The following PDE4D variants were observed in gnomAD, a reference collection of about 807,000 sequenced individuals.
PDE4D encodes 3',5'-cyclic-AMP phosphodiesterase 4D.
Under a neutral mutation model 87.4 loss-of-function variants are expected in PDE4D, and 24 were observed. That is an observed-to-expected ratio of 0.27 (90% CI 0.20 to 0.39). PDE4D has a LOEUF of 0.39. PDE4D is among the 10% of genes least tolerant of loss of function. The pLI, the probability that PDE4D is intolerant of heterozygous loss-of-function variation, is 1.00. For missense variants in PDE4D, 714 were observed against 1,041.0 expected (o/e 0.69, Z 4.32); for synonymous variants, 384 against 383.2 (o/e 1.00, Z -0.02).
intron 1 of PDE4D, among the ~76,000 whole-genome samples, chr5:59,476,325 G>A (rs1470599072): frequency 6.6e-6 from 1 of 152,054 alleles, no homozygotes; most frequent in African/African-American, 2.4e-5. Context: ...TGATCAGGAT[G>A]GAGATTACAT....
intron 1 of PDE4D, among the ~76,000 whole-genome samples, chr5:59,711,512 A>ATT (rs932307748): frequency 1.3e-5 from 2 of 151,964 alleles, no homozygotes; most frequent in African/African-American, 2.4e-5. Flanking sequence ...CTCCCTTCAA[A>ATT]TTGTCTGCAT....
At chr5:59,021,780 G>C (rs1243402595) in intron 6 of PDE4D, among the ~76,000 whole-genome samples, 1 of 152,100 alleles carries the variant, frequency 6.6e-6, no homozygotes, top group Non-Finnish European at 1.5e-5. Flanking sequence ...TCAAGATAAA[G>C]GTTCACATTT....
chr5:60,210,551 C>CAAA (rs1251204423), intron 1 of PDE4D, among the ~76,000 whole-genome samples: 2 of 151,974 alleles, frequency 1.3e-5, no homozygotes, highest in African/African-American at 4.8e-5. Flanking sequence ...GCTTATTTAG[C>CAAA]AAAAGATAGT....
chr5:59,385,067 G>C (rs1202912160), intron 1 of PDE4D, among the ~76,000 whole-genome samples: 1 of 151,998 alleles, frequency 6.6e-6, no homozygotes, highest in Non-Finnish European at 1.5e-5. Context: ...AGATGCTCTA[G>C]CAAATTGGAT....
intron 1 of PDE4D, among the ~76,000 whole-genome samples, chr5:59,245,883 T>C (rs568401609): frequency 6.6e-6 from 1 of 152,206 alleles, no homozygotes; most frequent in African/African-American, 2.4e-5. Flanking sequence ...CTTGATTCCA[T>C]TCCCCTCTTG....
In PDE4D at chr5:59,378,696, G is replaced by C. The variant is rs114669898; in HGVS notation, c.456-162728C>G. On this transcript the variant is annotated intron_variant, in intron 1 of 14. Transcript: ENST00000340635. ...TTCATGCTACTCAAAACAATCACGAGGAAAAGCTGGGCTGAAACTAGTGAC... is the reference window on the plus strand; with the variant it reads ...TTCATGCTACTCAAAACAATCACGACGAAAAGCTGGGCTGAAACTAGTGAC... Among the ~76,000 whole-genome samples, 783 of 152,280 alleles carry C rather than the reference G, an allele frequency of 5.1e-3. 9 individuals carry two copies. Among genetic ancestry groups the C allele is most frequent in the African/African-American group, 0.018 (746 of 41,556 alleles).
chr5:59,339,022 C>T (rs1445224922), intron 1 of PDE4D, among the ~76,000 whole-genome samples: 1 of 152,152 alleles, frequency 6.6e-6, no homozygotes. Flanking sequence ...ATGGTGATAA[C>T]TTATTTATCT....
intron 1 of PDE4D, among the ~76,000 whole-genome samples, chr5:60,236,502 A>G (rs1746446971): frequency 6.6e-6 from 1 of 151,944 alleles, no homozygotes; most frequent in Non-Finnish European, 1.5e-5. Context: ...TGTTCAACAT[A>G]TCTACCTATG....
In PDE4D at chr5:59,713,009, C is replaced by G. The variant is rs571361719; in HGVS notation, c.455+180159G>C. Reference sequence around the variant, plus strand: ...ATTTCAACTGCTTTGGCATGGATATCATCATTCTGAGGTTAGAACTTCTGT... The same window carrying G: ...ATTTCAACTGCTTTGGCATGGATATGATCATTCTGAGGTTAGAACTTCTGT... On this transcript the variant is annotated intron_variant, in intron 1 of 14. Transcript: ENST00000340635. Among the ~76,000 whole-genome samples, 96 of 152,202 alleles carry G rather than the reference C, an allele frequency of 6.3e-4. 1 individual carries two copies. The South Asian group carries it at 0.02, about 31-fold the overall frequency.
chr5:59,867,013 A>G (rs1747133613), intron 1 of PDE4D, among the ~76,000 whole-genome samples: 2 of 152,226 alleles, frequency 1.3e-5, no homozygotes, highest in Admixed American at 6.5e-5. Flanking sequence ...TTTATAAAGT[A>G]GAAAGTAAAA....
chr5:59,521,110 TA>T (rs11347219), intron 1 of PDE4D, among the ~76,000 whole-genome samples: 6,806 of 142,462 alleles, frequency 0.048, 301 homozygotes, highest in East Asian at 0.2. Flanking sequence ...AGGAGATCAC[TA>T]AAAAAAAAAA....
rs576672784 is a variant in PDE4D at position 59,957,672 on chromosome 5, A to G, written c.272+30816T>C. The stretch of plus-strand genomic sequence containing the variant: ...TTAATTGCATATTTATTTCTAATAA[A>G]TTAGAAAGCAGATAAAAGGACATGA... On this transcript the variant is annotated intron_variant, in intron 3 of 16. Transcript: ENST00000502484. 6.1e-4 allele frequency among the ~76,000 whole-genome samples: 93 copies of G among 152,246 alleles called. 2 individuals are homozygous for G. Among genetic ancestry groups the G allele is most frequent in the African/African-American group, 2.1e-3 (89 of 41,580 alleles).
chr5:60,325,392 T>A (rs61097447), intron 1 of PDE4D, among the ~76,000 whole-genome samples: 8,816 of 152,204 alleles, frequency 0.058, 833 homozygotes, highest in African/African-American at 0.2. Context: ...AATAATATGA[T>A]CTAATGGTCC....
At chr5:60,025,731 G>A (rs1766552177) in intron 2 of PDE4D, among the ~76,000 whole-genome samples, 1 of 151,736 alleles carries the variant, frequency 6.6e-6, no homozygotes, top group Admixed American at 6.6e-5. Context: ...TTCCATGTAA[G>A]TAACAAAGAC....
At chr5:59,133,853 A>AT (rs1357984231) in intron 5 of PDE4D, among the ~76,000 whole-genome samples, 3 of 152,194 alleles carry the variant, frequency 2.0e-5, no homozygotes, top group African/African-American at 7.2e-5. Flanking sequence ...CAAGGGTACC[A>AT]TGGAGCAAAC....
At chr5:60,044,274 C>T (rs564535399) in intron 2 of PDE4D, among the ~76,000 whole-genome samples, 1 of 152,200 alleles carries the variant, frequency 6.6e-6, no homozygotes, top group African/African-American at 2.4e-5. Context: ...TAGATATATA[C>T]ACTTATTATG....
In PDE4D at chr5:59,514,384, C is replaced by T. The variant is rs751379424; in HGVS notation, c.456-298416G>A. On this transcript the variant is annotated intron_variant, in intron 1 of 14. Transcript: ENST00000340635. ...CCTCCCAAAGCACTGGGATTACAGG[C>T]GTGAGCCACCGCACCCGGCCTTCAT... Among the ~76,000 whole-genome samples, 4 of 152,234 alleles carry T rather than the reference C, an allele frequency of 2.6e-5. No individual in the cohort carries two copies. In the East Asian group the frequency reaches 7.8e-4, roughly 30 times the overall value.
At chr5:59,866,911 A>G (rs1218444566) in intron 1 of PDE4D, among the ~76,000 whole-genome samples, 1 of 152,218 alleles carries the variant, frequency 6.6e-6, no homozygotes, top group Non-Finnish European at 1.5e-5. Context: ...CTTCCATCAG[A>G]CAGAGTTCTT....
At chr5:58,989,100 T>C (rs1232388347) in intron 10 of PDE4D, among the ~76,000 whole-genome samples, 2 of 152,156 alleles carry the variant, frequency 1.3e-5, no homozygotes, top group Admixed American at 6.6e-5. Flanking sequence ...GCCAGTATCA[T>C]GTACAACTAA....
Sources: gnomAD v4.1 joint callset for allele counts (sites outside exome capture counted in the v4.1 genomes callset) on GRCh38, gnomAD v4.1.1 for gene constraint, MANE v1.5 for transcripts, NCBI Gene and HGNC (gene_info 2026-07-23, HGNC 2026-07-21) for gene names.